Variants in TMEM131 observed in about 807,000 individuals in gnomAD.
The protein encoded by TMEM131 is transmembrane protein 131.
A neutral mutation model predicts 211.6 loss-of-function variants in TMEM131; 66 were observed. The ratio of observed to expected loss-of-function variants is 0.31; its 90% confidence interval spans 0.26 to 0.38. TMEM131 has a LOEUF of 0.38. Among genes scored for constraint, TMEM131 ranks in the 10% least tolerant of loss-of-function variants. TMEM131 has a pLI of 1.00. For missense variants in TMEM131, 2,036 were observed against 2,299.3 expected, an observed-to-expected ratio of 0.89 and a Z score of 2.34; for synonymous variants, 844 against 841.3, an observed-to-expected ratio of 1.00 and a Z score of -0.06.
intron 1 of TMEM131, among the ~76,000 whole-genome samples, chr2:97,941,479 C>G (rs1677722621): frequency 6.6e-6 from 1 of 152,182 alleles, no homozygotes; most frequent in South Asian, 2.1e-4. Context: ...CAGATGGGAT[C>G]TAATTAAATG....
At position 97,814,333 on chromosome 2, in the gene TMEM131, C is replaced by G; in HGVS notation, c.1348G>C (p.Asp450His). Reference sequence around the variant, plus strand: ...AGGTAAATTGGCCTTTCCACAGGATCAGCAGGGCTGTCTCGGATGTGAAAT... The same window carrying G: ...AGGTAAATTGGCCTTTCCACAGGATGAGCAGGGCTGTCTCGGATGTGAAAT... ...TLFHIRDSPA[D>H]PVERPIYLTN... Residue 450 changes from aspartate (D) to histidine (H), a missense_variant, in exon 14 of 41, where the codon GAT becomes CAT. Asp to His is a moderately conservative substitution (Grantham distance 81, BLOSUM62 -1). Around this residue, in one of 3 missense-constraint regions of TMEM131, gnomAD observed 1,623 missense variants for 1,805.9 expected, o/e 0.90. Coordinates refer to ENST00000186436, the MANE Select transcript of TMEM131 (RefSeq NM_015348.2). The G allele has an allele frequency of 3.1e-6, 5 of 1,613,712 alleles. No homozygotes were observed. Among genetic ancestry groups the G allele is most frequent in the Non-Finnish European group, 4.2e-6 (5 of 1,179,824 alleles).
intron 3 of TMEM131, 87 bp from the exon 4 acceptor site, chr2:97,888,207 TA>T (rs1315964032): frequency 2.7e-6 from 3 of 1,120,468 alleles, no homozygotes; most frequent in African/African-American, 3.1e-5. Flanking sequence ...ACTTTTGTCA[TA>T]ACAATGCCAT....
At chr2:97,942,601 T>C (rs759110032) in intron 1 of TMEM131, among the ~76,000 whole-genome samples, 9 of 151,688 alleles carry the variant, frequency 5.9e-5, no homozygotes, top group East Asian at 1.9e-4. Flanking sequence ...GAAACAACTA[T>C]ACACAAACAA....
At position 97,927,426 on chromosome 2, in the gene TMEM131, C is replaced by A; in HGVS notation, c.249G>T (p.Gln83His). The change falls in exon 2 of 41, where the codon CAG becomes CAT. Residue 83 changes from glutamine to histidine, a missense_variant and splice_region_variant. Physicochemically the swap from Gln to His is conservative, Grantham distance 24 (BLOSUM62 0). This residue lies in a region of TMEM131 where 277 missense variants were observed against 378.0 expected (regional missense o/e 0.73). Transcript: ENST00000186436. The part of the protein sequence containing the change: ...VLRFDDGGLL[Q>H]TETTLGLSSY... ...ACTTGTCTACTTAAAAAAAAATTAC[C>A]TGTAGTAGCCCTCCATCATCAAAAC... is the stretch of plus-strand genomic sequence containing the variant. 6.3e-7 allele frequency: 1 copy of A among 1,582,472 alleles called. No homozygotes were observed. Among genetic ancestry groups the A allele is most frequent in the Non-Finnish European group, 8.6e-7 (1 of 1,165,910 alleles).
chr2:97,842,993 G>A (rs556928462), intron 6 of TMEM131, among the ~76,000 whole-genome samples: 1 of 151,818 alleles, frequency 6.6e-6, no homozygotes, highest in African/African-American at 2.4e-5. Context: ...CTTACTGAAA[G>A]GGAACACTGA....
intron 2 of TMEM131, among the ~76,000 whole-genome samples, chr2:97,920,917 A>C (rs1158029854): frequency 6.6e-6 from 1 of 151,986 alleles, no homozygotes; most frequent in Non-Finnish European, 1.5e-5. Flanking sequence ...AAAGATTTTT[A>C]ATTCTTGCCA....
intron 31 of TMEM131, among the ~76,000 whole-genome samples, chr2:97,784,722 T>A (rs541367983): frequency 2.6e-5 from 4 of 152,122 alleles, no homozygotes; most frequent in Non-Finnish European, 2.9e-5. Context: ...AAATCTAAAG[T>A]AAGCAGGACA....
chr2:97,834,826 A>C lies in TMEM131; in HGVS notation c.904T>G (p.Ser302Ala). ...AGAATGATAAACTCTGTGCTGTCTG[A>C]AGCATTAGTCTTTATTCTTATGAAG... ...TAFIRIKTNA[S>A]DSTEFIILPV... Residue 302 changes from serine to alanine, a missense_variant, in exon 9 of 41, where the codon TCA becomes GCA. Transcript: ENST00000186436. 1 of 1,613,872 alleles carries C rather than the reference A, an allele frequency of 6.2e-7. No homozygotes were observed.
In TMEM131 at chr2:97,802,514, A is replaced by C. The variant is rs1021149250; in HGVS notation, c.2565T>G (p.Asn855Lys). The part of the protein sequence containing the change: ...CSSEEEITLE[N>K]PADVPVYVQF... ...GAACATAGACAGGAACATCTGCAGG[A>C]TTTTCTAAAGTAATCTCTTCTTCCT... The change falls in exon 24 of 41, where the codon AAT (asparagine) becomes AAG (lysine). Residue 855 changes from asparagine to lysine, a missense_variant. Physicochemically the swap from Asn to Lys is moderately conservative, Grantham distance 94. Transcript: ENST00000186436. 1 of 1,611,914 alleles carries C rather than the reference A, an allele frequency of 6.2e-7. No individual in the cohort carries two copies. Among genetic ancestry groups the C allele is most frequent in the Admixed American group, 1.7e-5 (1 of 59,662 alleles).
intron 30 of TMEM131, 102 bp from the exon 31 acceptor site, chr2:97,793,086 T>A: frequency 2.3e-6 from 2 of 865,430 alleles, no homozygotes. Flanking sequence ...AAATATAAAC[T>A]ACACTAGGGA....
chr2:97,832,023 A>AAAAAAAAAAAC, intron 11 of TMEM131, among the ~76,000 whole-genome samples: 1 of 150,660 alleles, frequency 6.6e-6, no homozygotes, highest in African/African-American at 2.4e-5. Flanking sequence ...AAAAAAAAAA[A>AAAAAAAAAAAC]AAAGCAGCTC....
rs1033137371 is a variant in TMEM131 at position 97,835,052 on chromosome 2, A to T, written c.805-127T>A. 6 of 945,684 alleles carry T rather than the reference A, an allele frequency of 6.3e-6. No homozygotes were observed. The African/African-American group carries it at 6.6e-5, about 10-fold the overall frequency. The allele number at this position is 945,684 out of a possible 1,614,324, so 58.6% of individuals were successfully genotyped here. On this transcript the variant is annotated intron_variant, in intron 8 of 40. Coordinates refer to ENST00000186436, the MANE Select transcript of TMEM131 (RefSeq NM_015348.2). ...ATATACCTATTAATAAAAAAAATGC[A>T]TTGCTAATTAAACCAATATGTAACA...
chr2:97,818,313 T>C (rs1051757721), intron 12 of TMEM131, among the ~76,000 whole-genome samples: 12 of 152,078 alleles, frequency 7.9e-5, no homozygotes, highest in African/African-American at 1.7e-4. Context: ...ATACATAATA[T>C]GTGTAAAAAG....
At chr2:97,812,848 C>T in intron 15 of TMEM131, 99 bp from the exon 16 acceptor site, 1 of 654,444 alleles carries the variant, frequency 1.5e-6, no homozygotes. Flanking sequence ...TAAAGTTCCC[C>T]CCAAAATTAG....
chr2:97,815,361 T>A, intron 12 of TMEM131, 54 bp from the exon 13 acceptor site: 1 of 1,156,484 alleles, frequency 8.6e-7, no homozygotes, highest in Non-Finnish European at 1.2e-6. Context: ...CAAAGAGAAT[T>A]AGTGAATTTA....
intron 2 of TMEM131, among the ~76,000 whole-genome samples, chr2:97,926,106 C>G (rs1676981128): frequency 6.7e-6 from 1 of 148,708 alleles, no homozygotes; most frequent in Non-Finnish European, 1.5e-5. Context: ...GTGCGAGACC[C>G]TGTCTCAAAA....
intron 1 of TMEM131, among the ~76,000 whole-genome samples, chr2:97,972,559 A>G (rs938146732): frequency 3.3e-5 from 5 of 151,942 alleles, no homozygotes; most frequent in Admixed American, 6.6e-5. Flanking sequence ...AAAACCATCA[A>G]TCTGTGGTGG....
chr2:97,915,264 T>C (rs1676463014), intron 2 of TMEM131, among the ~76,000 whole-genome samples: 1 of 152,220 alleles, frequency 6.6e-6, no homozygotes. Flanking sequence ...TTGCAAATAT[T>C]TTCTCCTAGT....
intron 2 of TMEM131, chr2:97,913,099 TAA>T (rs931427246): frequency 6.6e-6 from 1 of 152,140 alleles, no homozygotes; most frequent in Non-Finnish European, 1.5e-5. Context: ...GGACAAATTC[TAA>T]AAGAGTTAAA....
Sources: gnomAD v4.1 joint callset for allele counts (sites outside exome capture counted in the v4.1 genomes callset) on GRCh38, gnomAD v4.1.1 for gene constraint, gnomAD v4.1.1 regional missense constraint, MANE v1.5 for transcripts, NCBI Gene and HGNC (gene_info 2026-07-23, HGNC 2026-07-21) for gene names.